MERTK: variants seen among roughly 807,000 people sequenced by gnomAD.
MERTK encodes the protein tyrosine-protein kinase Mer.
MERTK carries 69 observed loss-of-function variants against 99.3 expected under a neutral mutation model. The ratio of observed to expected loss-of-function variants is 0.70; its 90% CI spans 0.57 to 0.85. MERTK has a LOEUF of 0.85. Among genes scored for constraint, MERTK ranks in the 40% least tolerant of loss-of-function variants. The pLI is 0.00. For synonymous variants in MERTK, 426 were observed against 467.6 expected, an observed-to-expected ratio of 0.91 and a Z score of 1.15; for missense variants, 1,125 against 1,249.4, an observed-to-expected ratio of 0.90 and a Z score of 1.50.
At chr2:111,910,863 A>G (rs1684234391) in intron 1 of MERTK, among the ~76,000 whole-genome samples, 1 of 152,170 alleles carries the variant, frequency 6.6e-6, no homozygotes, top group Non-Finnish European at 1.5e-5. Flanking sequence ...GAGGATAGGA[A>G]GAGATTTGTT....
intron 18 of MERTK, among the ~76,000 whole-genome samples, chr2:112,023,811 G>A (rs973766342): frequency 6.6e-6 from 1 of 152,106 alleles, no homozygotes; most frequent in African/African-American, 2.4e-5. Context: ...TTTCAGGACT[G>A]TGGGCCTGCG....
intron 1 of MERTK, among the ~76,000 whole-genome samples, chr2:111,925,919 G>A (rs1345057927): frequency 6.6e-6 from 1 of 150,580 alleles, no homozygotes; most frequent in Non-Finnish European, 1.5e-5. Flanking sequence ...TGCAAGCTCC[G>A]CCTCCCGGGT....
intron 2 of MERTK, among the ~76,000 whole-genome samples, chr2:111,944,534 G>GTTTTAAGGAATTA (rs1573589856): frequency 4.2e-5 from 1 of 23,604 alleles, no homozygotes; most frequent in East Asian, 1.4e-3. Flanking sequence ...TAAGGAATTA[G>GTTTTAAGGAATTA]CTCACACACA....
At chr2:111,960,710 G>A (rs1490472221) in intron 4 of MERTK, among the ~76,000 whole-genome samples, 3 of 151,896 alleles carry the variant, frequency 2.0e-5, no homozygotes, top group African/African-American at 4.8e-5. Context: ...ACTTTCAAAT[G>A]TGTACCATTA....
At position 111,898,704 on chromosome 2, in the gene MERTK, C is replaced by T; in HGVS notation, c.-32C>T. ...TCGGGACGTCCATCTGTCCATCCGT[C>T]CGGAGAGAAATTACAGATCCGCAGC... is the stretch of plus-strand genomic sequence containing the variant. On this transcript the variant is annotated 5_prime_UTR_variant, in exon 1 of 19. Transcript: ENST00000295408. 6.2e-7 allele frequency: 1 copy of T among 1,600,858 alleles called. No homozygotes were observed. Among genetic ancestry groups the T allele is most frequent in the Non-Finnish European group, 8.5e-7 (1 of 1,174,166 alleles).
At position 111,929,289 on chromosome 2, in the gene MERTK, C is replaced by T. The variant is rs137909193; in HGVS notation, c.231C>T (p.Asn77=). 3.1e-4 allele frequency: 497 copies of T among 1,614,228 alleles called. 3 individuals are homozygous for T. In the African/African-American group the frequency reaches 5.3e-3, roughly 17 times the overall value. ...PTQPGRPHTG[N]VAIPQVTSVE... is the part of the protein sequence containing the mutation. ...AGCCTGGAAGACCACATACAGGAAA[C>T]GTAGCCATTCCCCAGGTGACCTCTG... The change falls in exon 2 of 19, where the codon AAC becomes AAT. Residue 77 remains asparagine, a synonymous_variant. Transcript: ENST00000295408.
intron 1 of MERTK, among the ~76,000 whole-genome samples, chr2:111,923,657 C>A (rs965006930): frequency 6.6e-6 from 1 of 152,112 alleles, no homozygotes; most frequent in African/African-American, 2.4e-5. Context: ...TGAATTCCAC[C>A]CAAATTACAA....
chr2:111,902,282 A>G (rs1438521631), intron 1 of MERTK, among the ~76,000 whole-genome samples: 2 of 152,250 alleles, frequency 1.3e-5, no homozygotes, highest in East Asian at 3.8e-4. Flanking sequence ...GAAGAGGTTC[A>G]ATCTTTTTAT....
intron 1 of MERTK, among the ~76,000 whole-genome samples, chr2:111,924,337 G>A (rs1280941297): frequency 6.6e-6 from 1 of 152,106 alleles, no homozygotes; most frequent in Non-Finnish European, 1.5e-5. Context: ...GAGCAGCCTC[G>A]AGCCACCAGC....
chr2:111,951,549 A>ATATATATATATATATATAT (rs1685057322), intron 4 of MERTK, among the ~76,000 whole-genome samples: 1 of 118,776 alleles, frequency 8.4e-6, no homozygotes, highest in African/African-American at 2.9e-5. Flanking sequence ...ATATATATAT[A>ATATATATATATATATATAT]CCATAATTTT....
At position 111,984,493 on chromosome 2, in the gene MERTK, T is replaced by A. The variant is rs574980420; in HGVS notation, c.1296+1500T>A. Among the ~76,000 whole-genome samples, 435 of 152,292 alleles carry A rather than the reference T, an allele frequency of 2.9e-3. 2 individuals are homozygous for A. The highest frequency in any genetic ancestry group is 6.3e-3 in the African/African-American group (262 of 41,558). ...ATGAGAGAAGGCACAACGTGGCAGC[T>A]TTAAATTCTGACTCACTTGAAGGTC... On this transcript the variant is annotated intron_variant, in intron 8 of 18. Coordinates refer to ENST00000295408, the MANE Select transcript of MERTK (RefSeq NM_006343.3).
intron 4 of MERTK, among the ~76,000 whole-genome samples, chr2:111,962,764 T>G (rs143176869): frequency 6.6e-6 from 1 of 152,282 alleles, no homozygotes; most frequent in Non-Finnish European, 1.5e-5. Flanking sequence ...CACATTGCAT[T>G]TAGTCATCTA....
chr2:111,934,089 A>G (rs1433724373), intron 2 of MERTK, among the ~76,000 whole-genome samples: 4 of 152,270 alleles, frequency 2.6e-5, no homozygotes, highest in East Asian at 3.9e-4. Flanking sequence ...TCCATGGCAT[A>G]TATGTGTCAC....
intron 12 of MERTK, chr2:112,003,546 C>T (rs1020595970): frequency 6.3e-5 from 21 of 331,684 alleles, no homozygotes; most frequent in Non-Finnish European, 9.0e-5. Context: ...AATGAAAATA[C>T]GTATTTAACT....
At chr2:111,990,409 T>TG (rs150806833) in intron 8 of MERTK, among the ~76,000 whole-genome samples, 9,756 of 152,228 alleles carry the variant, frequency 0.064, 367 homozygotes, top group African/African-American at 0.11. Flanking sequence ...TGATAAACAC[T>TG]GGCCAGCATC....
intron 3 of MERTK, among the ~76,000 whole-genome samples, chr2:111,946,621 G>A (rs986113815): frequency 1.3e-5 from 2 of 152,164 alleles, no homozygotes; most frequent in Admixed American, 6.5e-5. Flanking sequence ...CAAGGCTGTG[G>A]ATTTTAAAAT....
At position 111,947,561 on chromosome 2, in the gene MERTK, G is replaced by C. The variant is rs1362662536; in HGVS notation, c.751G>C (p.Val251Leu). 1.9e-6 allele frequency: 3 copies of C among 1,613,938 alleles called. No homozygotes were observed. The Admixed American group carries it at 5.0e-5, about 27-fold the overall frequency. ...TGAAAAATCCCCCTCCGTGCTAACT[G>C]TTCCAGGTAAGTCCGAGCTGTGGGC... ...QPEKSPSVLT[V>L]PGLTEMAVFS... The change falls in exon 4 of 19, where the codon GTT (valine) becomes CTT (leucine). Residue 251 changes from valine (V) to leucine (L), a missense_variant. Physicochemically the swap from Val to Leu is conservative, Grantham distance 32. Transcript: ENST00000295408.
chr2:112,019,654 C>T, intron 16 of MERTK, 132 bp downstream of exon 16: 1 of 753,692 alleles, frequency 1.3e-6, no homozygotes, highest in Non-Finnish European at 2.4e-6. Context: ...GTGGCTTGCT[C>T]CGAAGATGGA....
rs1179161665 is a variant in MERTK, at chr2:111,945,044, C to G, written c.567C>G (p.Ile189Met). 6.2e-7 allele frequency: 1 copy of G among 1,613,066 alleles called. No homozygotes were observed. Among genetic ancestry groups the G allele is most frequent in the Admixed American group, 1.7e-5 (1 of 60,006 alleles). The change falls in exon 3 of 19, where the codon ATC (isoleucine) becomes ATG (methionine). Residue 189 changes from isoleucine to methionine, a missense_variant. Ile to Met is a conservative substitution (Grantham distance 10). Transcript: ENST00000295408. ...ATGAAGAGATCGTGTCTGATCCCATCTACATCGAAGTACAAGGTAAGTCCA... is the reference window on the plus strand; with the variant it reads ...ATGAAGAGATCGTGTCTGATCCCATGTACATCGAAGTACAAGGTAAGTCCA... ...INNEEIVSDPIYIEVQGLPHF... is the reference protein window; with the variant it reads ...INNEEIVSDPMYIEVQGLPHF...
Sources: allele counts gnomAD v4.1 joint callset (sites outside exome capture counted in the v4.1 genomes callset), GRCh38; gene constraint gnomAD v4.1.1; transcripts MANE v1.5; gene names NCBI Gene and HGNC (gene_info 2026-07-23, HGNC 2026-07-21).